The following PTPRD variants were observed in gnomAD, a reference collection of about 807,000 sequenced individuals.
PTPRD encodes protein tyrosine phosphatase receptor type D.
In PTPRD, 34 loss-of-function variants were observed where a neutral mutation model predicts 214.5. That is an observed-to-expected ratio of 0.16 (90% CI 0.12 to 0.21). The LOEUF is 0.21. PTPRD is among the 10% of genes least tolerant of loss of function. The pLI, the probability that PTPRD is intolerant of heterozygous loss-of-function variation, is 1.00. For synonymous variants in PTPRD, 1,128 were observed against 845.7 expected, an observed-to-expected ratio of 1.33 and a Z score of -5.79; for missense variants, 2,545 against 2,398.7, an observed-to-expected ratio of 1.06 and a Z score of -1.27.
chr9:10,159,771 T>C (rs1348072552), intron 3 of PTPRD, among the ~76,000 whole-genome samples: 1 of 151,910 alleles, frequency 6.6e-6, no homozygotes, highest in East Asian at 1.9e-4. Flanking sequence ...AGGAAATAAT[T>C]ACTGAGCTCG....
At chr9:9,192,787 G>T (rs1298302898) in intron 9 of PTPRD, among the ~76,000 whole-genome samples, 1 of 152,034 alleles carries the variant, frequency 6.6e-6, no homozygotes, top group Non-Finnish European at 1.5e-5. Flanking sequence ...GAGGGAAGAA[G>T]GGAAAGAAGA....
intron 8 of PTPRD, among the ~76,000 whole-genome samples, chr9:9,417,150 G>A (rs959042936): frequency 2.0e-5 from 3 of 152,084 alleles, no homozygotes; most frequent in African/African-American, 4.8e-5. Context: ...AGTTTCACTT[G>A]CTTCAGCTAT....
At chr9:9,960,200 G>GA (rs1202014952) in intron 4 of PTPRD, among the ~76,000 whole-genome samples, 2 of 131,774 alleles carry the variant, frequency 1.5e-5, no homozygotes, top group South Asian at 4.8e-4. Context: ...AAAGGAGTAT[G>GA]AAAAAAGGAG....
At chr9:10,034,954 T>C (rs1237376296) in intron 3 of PTPRD, among the ~76,000 whole-genome samples, 2 of 151,944 alleles carry the variant, frequency 1.3e-5, no homozygotes, top group Non-Finnish European at 2.9e-5. Context: ...ATAGGATTGC[T>C]AGTAATAGGA....
chr9:8,957,167 C>A (rs1376879313), intron 11 of PTPRD, among the ~76,000 whole-genome samples: 1 of 151,842 alleles, frequency 6.6e-6, no homozygotes, highest in African/African-American at 2.4e-5. Flanking sequence ...TAGGTTTCAT[C>A]ACACACAGGG....
intron 11 of PTPRD, among the ~76,000 whole-genome samples, chr9:8,834,489 C>G (rs1255295108): frequency 1.3e-5 from 2 of 151,866 alleles, no homozygotes; most frequent in Non-Finnish European, 1.5e-5. Context: ...CATTTAATTC[C>G]CAAAACTGTT....
intron 14 of PTPRD, among the ~76,000 whole-genome samples, chr9:8,616,461 G>A (rs2095615177): frequency 6.6e-6 from 1 of 152,002 alleles, no homozygotes; most frequent in African/African-American, 2.4e-5. Context: ...ATGTGTTAAA[G>A]GAAAGAAGTA....
At chr9:9,401,719 C>T (rs2141377445) in intron 8 of PTPRD, among the ~76,000 whole-genome samples, 1 of 151,972 alleles carries the variant, frequency 6.6e-6, no homozygotes. Flanking sequence ...CCCATGTGTC[C>T]TGGGAGGGAC....
At chr9:9,416,628 C>T (rs186331538) in intron 8 of PTPRD, among the ~76,000 whole-genome samples, 109 of 152,248 alleles carry the variant, frequency 7.2e-4, no homozygotes, top group African/African-American at 2.3e-3. Context: ...TGCTCAAGGA[C>T]GTGCTCTCCC....
Position 8,890,529 on chromosome 9 carries a change from G to T in PTPRD, c.-104+128168C>A, listed in dbSNP as rs184921293. Among the ~76,000 whole-genome samples the T allele has an allele frequency of 5.3e-5, 8 of 152,352 alleles. No individual in the cohort carries two copies. In the East Asian group the frequency reaches 1.5e-3, roughly 29 times the overall value. Reference sequence around the variant, plus strand: ...TCTTTTGGGTCAGGACTGAATCAATGTGGTTAGAAAAAGTGTATGTTAAAC... The same window carrying T: ...TCTTTTGGGTCAGGACTGAATCAATTTGGTTAGAAAAAGTGTATGTTAAAC... On this transcript the variant is annotated intron_variant, in intron 11 of 45. Transcript: ENST00000381196.
intron 4 of PTPRD, among the ~76,000 whole-genome samples, chr9:9,984,628 A>T (rs1424936403): frequency 6.6e-6 from 1 of 152,150 alleles, no homozygotes; most frequent in Non-Finnish European, 1.5e-5. Context: ...TAGCTAGTGG[A>T]GGTGCACATG....
At chr9:10,115,426 T>A (rs1418236594) in intron 3 of PTPRD, among the ~76,000 whole-genome samples, 5 of 152,066 alleles carry the variant, frequency 3.3e-5, no homozygotes, top group Non-Finnish European at 5.9e-5. Flanking sequence ...GGTAATTAGG[T>A]GACCAAAATA....
chr9:9,983,595 G>C (rs1011116323), intron 4 of PTPRD, among the ~76,000 whole-genome samples: 3 of 152,096 alleles, frequency 2.0e-5, no homozygotes, highest in Non-Finnish European at 4.4e-5. Context: ...GTTTCACATG[G>C]GAACCAAAAC....
intron 12 of PTPRD, among the ~76,000 whole-genome samples, chr9:8,653,780 C>T (rs909426544): frequency 2.0e-5 from 3 of 152,186 alleles, no homozygotes; most frequent in African/African-American, 7.2e-5. Flanking sequence ...AACTTGATGG[C>T]AAGTCACATC....
intron 3 of PTPRD, among the ~76,000 whole-genome samples, chr9:10,173,524 A>C (rs2099225326): frequency 6.6e-6 from 1 of 152,136 alleles, no homozygotes; most frequent in Non-Finnish European, 1.5e-5. Context: ...CCAAATTTCC[A>C]CACATTCCCA....
At chr9:8,887,821 C>T (rs2098504239) in intron 11 of PTPRD, among the ~76,000 whole-genome samples, 1 of 152,162 alleles carries the variant, frequency 6.6e-6, no homozygotes, top group African/African-American at 2.4e-5. Flanking sequence ...GAAGTGTCCA[C>T]CTTCTATGAT....
rs541225691 is a variant in PTPRD, at chr9:8,770,260, G to A, written c.-103-36314C>T. On this transcript the variant is annotated intron_variant, in intron 11 of 45. Transcript: ENST00000381196. ...ATCAAGCCCACTGCATTCCAGCCTG[G>A]ATGACAGAGCTAGATTCCGTCTCAA... 2.0e-5 allele frequency among the ~76,000 whole-genome samples: 3 copies of A among 151,974 alleles called. No homozygotes were observed. In the South Asian group the frequency reaches 6.3e-4, roughly 32 times the overall value.
chr9:9,881,466 G>A (rs1600747259), intron 5 of PTPRD, among the ~76,000 whole-genome samples: 1 of 152,080 alleles, frequency 6.6e-6, no homozygotes, highest in Admixed American at 6.6e-5. Context: ...ACCAGGGCAG[G>A]TTACATTATT....
chr9:9,519,498 A>T (rs1315488050), intron 8 of PTPRD, among the ~76,000 whole-genome samples: 1 of 151,994 alleles, frequency 6.6e-6, no homozygotes, highest in Non-Finnish European at 1.5e-5. Flanking sequence ...TGATACCAGG[A>T]ATAAAAGAAG....
Sources: allele counts gnomAD v4.1 joint callset (sites outside exome capture counted in the v4.1 genomes callset), GRCh38; gene constraint gnomAD v4.1.1; transcripts MANE v1.5; gene names NCBI Gene and HGNC (gene_info 2026-07-23, HGNC 2026-07-21).